The following NAALADL2 variants were observed in gnomAD, a reference collection of about 807,000 sequenced individuals.
The protein encoded by NAALADL2 is N-acetylated alpha-linked acidic dipeptidase like 2, also known as inactive N-acetylated-alpha-linked acidic dipeptidase-like protein 2.
Under a neutral mutation model 87.2 loss-of-function variants are expected in NAALADL2, and 76 were observed. That is an observed-to-expected ratio of 0.87 (90% CI 0.72 to 1.05). NAALADL2 has a LOEUF of 1.05. Among genes scored for constraint, NAALADL2 ranks in the 50% least tolerant of loss-of-function variants. The pLI, the probability that NAALADL2 is intolerant of heterozygous loss-of-function variation, is 0.00. For synonymous variants in NAALADL2, 354 were observed against 331.0 expected (o/e 1.07, Z -0.75); for missense variants, 1,089 against 945.8 (o/e 1.15, Z -1.99).
chr3:174,869,243 A>G (rs1727503064), intron 1 of NAALADL2, among the ~76,000 whole-genome samples: 1 of 152,204 alleles, frequency 6.6e-6, no homozygotes, highest in African/African-American at 2.4e-5. Context: ...GAAGCTTAAA[A>G]CAGTAGAAAT....
At chr3:175,635,111 G>GTATCTTCAAATA (rs1231751687) in intron 11 of NAALADL2, among the ~76,000 whole-genome samples, 1 of 152,046 alleles carries the variant, frequency 6.6e-6, no homozygotes, top group African/African-American at 2.4e-5. Context: ...TACTGAAACT[G>GTATCTTCAAATA]GAGATTGTGC....
At chr3:175,353,152 T>C (rs949368377) in intron 5 of NAALADL2, among the ~76,000 whole-genome samples, 1 of 151,652 alleles carries the variant, frequency 6.6e-6, no homozygotes, top group Non-Finnish European at 1.5e-5. Context: ...GGCTCTGTAT[T>C]GTTATTAATT....
chr3:175,182,068 GT>G (rs1285007697), intron 2 of NAALADL2, among the ~76,000 whole-genome samples: 1 of 151,650 alleles, frequency 6.6e-6, no homozygotes, highest in Non-Finnish European at 1.5e-5. Flanking sequence ...CTTATCTTTT[GT>G]CTTTCTGATA....
At chr3:175,792,219 A>G (rs1039721670) in intron 13 of NAALADL2, among the ~76,000 whole-genome samples, 3 of 152,244 alleles carry the variant, frequency 2.0e-5, no homozygotes, top group African/African-American at 7.2e-5. Flanking sequence ...AAAAAGTACC[A>G]AAGTGCTCCT....
chr3:174,644,478 G>C (rs778202376), intron 2 of NAALADL2, among the ~76,000 whole-genome samples: 1 of 152,108 alleles, frequency 6.6e-6, no homozygotes, highest in Non-Finnish European at 1.5e-5. Flanking sequence ...TGATCTTGCT[G>C]TCTCCAGGGT....
intron 1 of NAALADL2, among the ~76,000 whole-genome samples, chr3:174,475,259 C>T (rs1010493331): frequency 4.0e-5 from 6 of 151,712 alleles, no homozygotes; most frequent in African/African-American, 1.5e-4. Flanking sequence ...GATGAACTGA[C>T]TTGATTAAAT....
At chr3:174,953,571 C>A (rs1263596269) in intron 1 of NAALADL2, among the ~76,000 whole-genome samples, 1 of 151,718 alleles carries the variant, frequency 6.6e-6, no homozygotes, top group Non-Finnish European at 1.5e-5. Flanking sequence ...GAAACAATAA[C>A]AATAAATTTG....
At chr3:175,755,119 A>T (rs1747092038) in intron 12 of NAALADL2, 101 bp from the exon 13 acceptor site, 5 of 908,744 alleles carry the variant, frequency 5.5e-6, no homozygotes, top group Non-Finnish European at 8.4e-6. Flanking sequence ...TTCCTTCTTC[A>T]GTGGTCTGTC....
chr3:175,488,943 A>G (rs1000857398), intron 9 of NAALADL2, among the ~76,000 whole-genome samples: 2 of 152,174 alleles, frequency 1.3e-5, no homozygotes, highest in African/African-American at 4.8e-5. Context: ...TGAGCATGAA[A>G]TGGCTGATGG....
At chr3:174,997,100 T>C (rs1395533803) in intron 1 of NAALADL2, among the ~76,000 whole-genome samples, 1 of 151,000 alleles carries the variant, frequency 6.6e-6, no homozygotes, top group East Asian at 1.9e-4. Context: ...AGCACTTAGA[T>C]TGGTTTCATA....
intron 1 of NAALADL2, among the ~76,000 whole-genome samples, chr3:175,050,941 A>C (rs1755307023): frequency 6.6e-6 from 1 of 152,172 alleles, no homozygotes; most frequent in African/African-American, 2.4e-5. Context: ...TAAAAAAAAT[A>C]ATAGAGGCAT....
chr3:174,444,100 G>A (rs1310031454), intron 1 of NAALADL2, among the ~76,000 whole-genome samples: 2 of 152,192 alleles, frequency 1.3e-5, no homozygotes, highest in Admixed American at 1.3e-4. Flanking sequence ...ATGGCATGTT[G>A]TGATACTAAT....
intron 1 of NAALADL2, among the ~76,000 whole-genome samples, chr3:174,453,133 A>G (rs1010525798): frequency 5.9e-5 from 9 of 152,228 alleles, no homozygotes; most frequent in African/African-American, 2.2e-4. Context: ...AGAATTTTGT[A>G]ATGCAATCAC....
chr3:175,803,212 T>C lies in NAALADL2; in HGVS notation c.*9T>C, dbSNP rs1754401556. On this transcript the variant is annotated 3_prime_UTR_variant, in exon 14 of 14. Transcript: ENST00000454872. ...TGGATGGGAAGAATTGAGAAAACTCTGAGCATTTTTAAAAGTTTGTTTACA... is the reference window on the plus strand; with the variant it reads ...TGGATGGGAAGAATTGAGAAAACTCCGAGCATTTTTAAAAGTTTGTTTACA... 1.3e-6 allele frequency: 2 copies of C among 1,574,040 alleles called. No homozygotes were observed. Among genetic ancestry groups the C allele is most frequent in the Non-Finnish European group, 1.7e-6 (2 of 1,158,878 alleles).
chr3:174,791,573 A>G (rs1487398182), intron 3 of NAALADL2, among the ~76,000 whole-genome samples: 1 of 152,198 alleles, frequency 6.6e-6, no homozygotes, highest in Admixed American at 6.6e-5. Context: ...TTGTTACAGC[A>G]GCAGTCCAAA....
At chr3:175,153,075 T>C (rs1731784541) in intron 2 of NAALADL2, among the ~76,000 whole-genome samples, 1 of 152,142 alleles carries the variant, frequency 6.6e-6, no homozygotes, top group Non-Finnish European at 1.5e-5. Flanking sequence ...TATTTCTTAT[T>C]TTCTCTTATA....
At chr3:175,390,206 C>G (rs895068792) in intron 5 of NAALADL2, among the ~76,000 whole-genome samples, 1 of 152,088 alleles carries the variant, frequency 6.6e-6, no homozygotes, top group African/African-American at 2.4e-5. Context: ...TCCACTCCCC[C>G]ACTCCCTCGC....
intron 1 of NAALADL2, among the ~76,000 whole-genome samples, chr3:174,890,074 G>C (rs562781211): frequency 6.6e-6 from 1 of 152,248 alleles, no homozygotes; most frequent in South Asian, 2.1e-4. Flanking sequence ...GAATGTCCTT[G>C]AGATAATATC....
At position 174,971,635 on chromosome 3, in the gene NAALADL2, G is replaced by A. The variant is rs116732077; in HGVS notation, c.43+112185G>A. On this transcript the variant is annotated intron_variant, in intron 1 of 13. Coordinates refer to ENST00000454872, the MANE Select transcript of NAALADL2 (RefSeq NM_207015.3). ...TTCTTGTACCTTCCCTTTTTTAGGT[G>A]CCTTCAACTCAAACAGTCAGTATGC... Among the ~76,000 whole-genome samples, 382 of 151,462 alleles carry A rather than the reference G, an allele frequency of 2.5e-3. 2 individuals are homozygous for A. Among genetic ancestry groups the A allele is most frequent in the African/African-American group, 9.0e-3 (370 of 41,196 alleles).
Sources: gnomAD v4.1 joint callset for allele counts (sites outside exome capture counted in the v4.1 genomes callset) on GRCh38, gnomAD v4.1.1 for gene constraint, MANE v1.5 for transcripts, NCBI Gene and HGNC (gene_info 2026-07-23, HGNC 2026-07-21) for gene names.